CSMD2: variants seen among roughly 807,000 people sequenced by gnomAD.
CSMD2 encodes CUB and sushi domain-containing protein 2.
CSMD2 carries 130 observed loss-of-function variants against 398.5 expected under a neutral mutation model. That is an observed-to-expected ratio of 0.33 (90% CI 0.28 to 0.38). The LOEUF (loss-of-function observed/expected upper bound fraction) is 0.38, where lower values mean the gene tolerates loss of function less well. Ranked by LOEUF, CSMD2 falls within the 10% of genes least tolerant of loss-of-function variation. CSMD2 has a pLI of 1.00. For missense variants in CSMD2, 3,829 were observed against 4,764.9 expected (o/e 0.80, Z 5.78); for synonymous variants, 1,828 against 1,908.5 (o/e 0.96, Z 1.10).
intron 54 of CSMD2, among the ~76,000 whole-genome samples, chr1:33,558,408 G>C (rs778901248): frequency 6.6e-6 from 1 of 152,164 alleles, no homozygotes; most frequent in Non-Finnish European, 1.5e-5. Context: ...TATCCTGGGG[G>C]ATATATTTGA....
rs938512022 is a variant in CSMD2, at chr1:33,635,716, G to T, written c.4970-386C>A. ...CATCTAACCTGGACAGTGAGTGTCA[G>T]TGTGAATAGGGAGCTGAAGCTTCCC... On this transcript the variant is annotated intron_variant, in intron 30 of 70. Coordinates refer to ENST00000373381, the MANE Select transcript of CSMD2 (RefSeq NM_001281956.2). This position sits in a 1 kb window ranked among gnomAD's most constrained non-coding sequence, Gnocchi z 5.0. 2.6e-5 allele frequency among the ~76,000 whole-genome samples: 4 copies of T among 152,186 alleles called. No individual in the cohort carries two copies. The highest frequency in any genetic ancestry group is 5.9e-5 in the Non-Finnish European group (4 of 68,014).
chr1:34,057,167 G>A (rs773557883), intron 2 of CSMD2, among the ~76,000 whole-genome samples: 1 of 152,098 alleles, frequency 6.6e-6, no homozygotes, highest in Non-Finnish European at 1.5e-5. Flanking sequence ...GTGGCTGCTT[G>A]GAGTCTTGAT....
chr1:33,873,459 T>C (rs1281325556), intron 5 of CSMD2: 1 of 152,208 alleles, frequency 6.6e-6, no homozygotes, highest in East Asian at 1.9e-4. Context: ...TGATAGAATG[T>C]CACTTCTCAT....
At chr1:33,767,696 T>C (rs544128) in intron 13 of CSMD2, among the ~76,000 whole-genome samples, 109 of 152,144 alleles carry the variant, frequency 7.2e-4, no homozygotes, top group South Asian at 1.7e-3. Context: ...ATATTGTATG[T>C]TGGGGGTATA....
intron 2 of CSMD2, among the ~76,000 whole-genome samples, chr1:34,045,180 T>C (rs1446230190): frequency 1.3e-5 from 2 of 152,132 alleles, no homozygotes; most frequent in Non-Finnish European, 2.9e-5. Context: ...TGCCTTTCTA[T>C]ATATACATCA....
At chr1:33,708,721 C>T (rs1043406718) in intron 22 of CSMD2, among the ~76,000 whole-genome samples, 12 of 152,008 alleles carry the variant, frequency 7.9e-5, no homozygotes, top group African/African-American at 2.9e-4. Context: ...CCCACCTCAG[C>T]CTACCCAGTA....
At chr1:33,576,097 G>A (rs981417521) in intron 49 of CSMD2, among the ~76,000 whole-genome samples, 9 of 152,094 alleles carry the variant, frequency 5.9e-5, no homozygotes, top group Non-Finnish European at 8.8e-5. Flanking sequence ...GCTGTCAATC[G>A]CATACGTTAT....
rs918149564 is a variant in CSMD2, at chr1:33,798,506, G to A, written c.1447-5980C>T. ...AGGTGGGTCTGGGCCTGGCGGGATG[G>A]AGAAGGGTGTGTGTGGGCTCAGCCC... On this transcript the variant is annotated intron_variant, in intron 10 of 70. Coordinates refer to ENST00000373381, the MANE Select transcript of CSMD2 (RefSeq NM_001281956.2). 9.2e-5 allele frequency among the ~76,000 whole-genome samples: 14 copies of A among 152,214 alleles called. No individual in the cohort carries two copies. The East Asian group carries it at 2.7e-3, about 29-fold the overall frequency.
chr1:33,591,498 C>T (rs941639163), intron 44 of CSMD2, among the ~76,000 whole-genome samples: 16 of 152,080 alleles, frequency 1.1e-4, no homozygotes, highest in African/African-American at 3.9e-4. Context: ...GGTGGGAGTC[C>T]ATAATCACTG....
chr1:34,145,942 T>A (rs910759668), intron 1 of CSMD2, among the ~76,000 whole-genome samples: 12 of 152,192 alleles, frequency 7.9e-5, no homozygotes, highest in Non-Finnish European at 1.6e-4. Context: ...ACTCTGCAGA[T>A]GTCCTGAGTG....
intron 25 of CSMD2, among the ~76,000 whole-genome samples, chr1:33,664,991 C>T (rs993973034): frequency 3.9e-5 from 6 of 152,100 alleles, no homozygotes; most frequent in Non-Finnish European, 8.8e-5. Flanking sequence ...ATATTCTTTA[C>T]GAAAATACTC....
chr1:33,685,855 A>T (rs892483872), intron 25 of CSMD2, among the ~76,000 whole-genome samples: 1 of 152,226 alleles, frequency 6.6e-6, no homozygotes, highest in African/African-American at 2.4e-5. Context: ...AACTCTTGGC[A>T]GACAAGGCCT....
chr1:33,652,535 C>T, intron 27 of CSMD2, 74 bp from the exon 28 acceptor site: 1 of 1,554,682 alleles, frequency 6.4e-7, no homozygotes, highest in Non-Finnish European at 8.8e-7. Flanking sequence ...TGCTAATGCA[C>T]TATTGAGAGA....
chr1:33,900,916 G>A (rs1313709368), intron 5 of CSMD2, among the ~76,000 whole-genome samples: 2 of 152,248 alleles, frequency 1.3e-5, no homozygotes, highest in African/African-American at 2.4e-5. Context: ...AAGGCAGATA[G>A]AGACTCAAAG....
Position 33,605,750 on chromosome 1 carries a change from C to T in CSMD2, c.6344-280G>A, listed in dbSNP as rs374129563. On this transcript the variant is annotated intron_variant, in intron 41 of 70. Coordinates refer to ENST00000373381, the MANE Select transcript of CSMD2 (RefSeq NM_001281956.2). The stretch of plus-strand genomic sequence containing the variant: ...AAATAGTATCTATTATTAGTAATTC[C>T]GTAGGAAAAGGAGGCTCAAGGAAGA... 36 of 896,510 alleles carry T rather than the reference C, an allele frequency of 4.0e-5. No homozygotes were observed. In the African/African-American group the frequency reaches 4.3e-4, roughly 11 times the overall value. 55.5% of individuals were successfully genotyped at this position (896,510 alleles called of 1,614,324 possible). A position where few individuals can be genotyped will look rare whatever the true frequency, so the allele number is the denominator to read the frequency against.
chr1:33,547,789 G>C (rs1336828117), intron 56 of CSMD2, among the ~76,000 whole-genome samples: 3 of 152,232 alleles, frequency 2.0e-5, no homozygotes, highest in Non-Finnish European at 2.9e-5. Context: ...AAACAATCTT[G>C]ATGGTGAGCA....
intron 10 of CSMD2, among the ~76,000 whole-genome samples, chr1:33,801,580 G>A (rs1434662327): frequency 6.6e-6 from 1 of 152,180 alleles, no homozygotes; most frequent in African/African-American, 2.4e-5. Context: ...GCTAACTGTG[G>A]AAGAAATAAA....
chr1:33,527,106 T>C (rs1233001715), intron 65 of CSMD2, 90 bp downstream of exon 65: 5 of 1,165,322 alleles, frequency 4.3e-6, no homozygotes, highest in Non-Finnish European at 6.5e-6. Flanking sequence ...CTCTAGGCAC[T>C]CAGCAACTCT....
chr1:33,782,809 T>C (rs113596517), intron 12 of CSMD2, among the ~76,000 whole-genome samples: 1 of 152,212 alleles, frequency 6.6e-6, no homozygotes, highest in Non-Finnish European at 1.5e-5. Context: ...GTGGAATTAT[T>C]ATTATGGAGA....
Sources: gnomAD v4.1 joint callset for allele counts (sites outside exome capture counted in the v4.1 genomes callset) on GRCh38, gnomAD v4.1.1 for gene constraint, Gnocchi (gnomAD v3.1) non-coding constraint, MANE v1.5 for transcripts, NCBI Gene and HGNC (gene_info 2026-07-23, HGNC 2026-07-21) for gene names.